FAM151B: variants seen among roughly 807,000 people sequenced by gnomAD.
FAM151B encodes the protein protein FAM151B.
Under a neutral mutation model 31.2 loss-of-function variants are expected in FAM151B, and 24 were observed. The ratio of observed to expected loss-of-function variants is 0.77; its 90% CI spans 0.56 to 1.08. The LOEUF (loss-of-function observed/expected upper bound fraction) is 1.08, where lower values mean the gene tolerates loss of function less well. Among genes scored for constraint, FAM151B ranks in the 50% least tolerant of loss-of-function variants. The pLI, the probability that FAM151B is intolerant of heterozygous loss-of-function variation, is 0.00. For synonymous variants in FAM151B, 105 were observed against 111.4 expected (o/e 0.94, Z 0.36); for missense variants, 293 against 328.6 (o/e 0.89, Z 0.84).
chr5:80,499,282 C>T (rs1278756013), intron 1 of FAM151B, among the ~76,000 whole-genome samples: 1 of 151,972 alleles, frequency 6.6e-6, no homozygotes, highest in African/African-American at 2.4e-5. Flanking sequence ...TTGGTTAACT[C>T]ACAAGTTTTA....
Position 80,528,246 on chromosome 5 carries a change from A to G in FAM151B, c.671+6108A>G. Among the ~76,000 whole-genome samples the G allele has an allele frequency of 1.3e-5, 2 of 152,158 alleles. 1 individual carries two copies. Among genetic ancestry groups the G allele is most frequent in the Non-Finnish European group, 2.9e-5 (2 of 68,032 alleles). On this transcript the variant is annotated intron_variant, in intron 5 of 5. Coordinates refer to ENST00000282226, the MANE Select transcript of FAM151B (RefSeq NM_205548.3). The stretch of plus-strand genomic sequence containing the variant: ...AAAGTAACAAGCAAGAAGCTAAATC[A>G]TATCACTAGAGAAAATCACCTTCAC...
intron 5 of FAM151B, among the ~76,000 whole-genome samples, chr5:80,529,360 T>C (rs1244477942): frequency 6.6e-6 from 1 of 152,032 alleles, no homozygotes; most frequent in Non-Finnish European, 1.5e-5. Context: ...ATTCAAAAGC[T>C]AGCAGAAGGC....
intron 2 of FAM151B, among the ~76,000 whole-genome samples, chr5:80,507,155 T>A (rs1396487727): frequency 6.8e-6 from 1 of 146,040 alleles, no homozygotes; most frequent in Non-Finnish European, 1.5e-5. Context: ...GACAAGGGAG[T>A]GAGCTCTTCT....
chr5:80,507,254 CTG>C (rs1744003963), intron 2 of FAM151B, among the ~76,000 whole-genome samples: 1 of 152,096 alleles, frequency 6.6e-6, no homozygotes, highest in East Asian at 1.9e-4. Flanking sequence ...TAGAGGGTGA[CTG>C]TGGCAGTTAG....
intron 1 of FAM151B, among the ~76,000 whole-genome samples, chr5:80,493,368 CAT>C (rs202107785): frequency 0.013 from 1,947 of 152,194 alleles, 36 homozygotes; most frequent in African/African-American, 0.041. Context: ...GATTGTAAAA[CAT>C]GTGTGTTTGA....
intron 5 of FAM151B, among the ~76,000 whole-genome samples, chr5:80,538,642 A>T (rs757273446): frequency 2.8e-5 from 4 of 142,208 alleles, no homozygotes; most frequent in African/African-American, 8.0e-5. Flanking sequence ...TGTTGCCCAG[A>T]CTGGAGTGCA....
At chr5:80,513,477 T>C (rs1744276407) in intron 2 of FAM151B, 127 bp from the exon 3 acceptor site, 1 of 834,608 alleles carries the variant, frequency 1.2e-6, no homozygotes, top group African/African-American at 1.7e-5. Flanking sequence ...CATGGGATAA[T>C]CGCTCACTGA....
intron 5 of FAM151B, among the ~76,000 whole-genome samples, chr5:80,527,126 A>G (rs1439596162): frequency 1.3e-5 from 2 of 152,070 alleles, no homozygotes; most frequent in African/African-American, 4.8e-5. Context: ...CTTCTGAGAA[A>G]TTTTTCATTA....
chr5:80,515,264 T>TA (rs1744382820), intron 3 of FAM151B, among the ~76,000 whole-genome samples: 5 of 122,294 alleles, frequency 4.1e-5, no homozygotes, highest in East Asian at 2.4e-4. Flanking sequence ...AATAAATAAA[T>TA]AATAAAAAAT....
chr5:80,534,006 A>G (rs1008842218), intron 5 of FAM151B, among the ~76,000 whole-genome samples: 1 of 152,134 alleles, frequency 6.6e-6, no homozygotes, highest in African/African-American at 2.4e-5. Context: ...TGGAAAATCT[A>G]GAAGAAATGG....
intron 2 of FAM151B, among the ~76,000 whole-genome samples, chr5:80,502,715 C>T (rs1743792656): frequency 6.6e-6 from 1 of 152,144 alleles, no homozygotes; most frequent in African/African-American, 2.4e-5. Flanking sequence ...CAAGAAATTA[C>T]CTTGAAATTC....
At position 80,501,809 on chromosome 5, in the gene FAM151B, A is replaced by G. The variant is rs781135092; in HGVS notation, c.43A>G (p.Ile15Val). 1.2e-6 allele frequency: 2 copies of G among 1,603,890 alleles called. No homozygotes were observed. Among genetic ancestry groups the G allele is most frequent in the African/African-American group, 1.3e-5 (1 of 74,698 alleles). ...TATTTTAGGATCTTGGAGTGAAAAT[A>G]TACTGGAATATTTTCTGAGAAATAG... ...AGGPGSWSEN[I>V]LEYFLRNSQI... The change falls in exon 2 of 6, where the codon ATA becomes GTA. Residue 15 changes from isoleucine to valine, a missense_variant. By Grantham distance (29) the Ile-to-Val change is conservative. Transcript: ENST00000282226.
chr5:80,520,495 G>T (rs1580439821), intron 4 of FAM151B, among the ~76,000 whole-genome samples: 1 of 151,520 alleles, frequency 6.6e-6, no homozygotes, highest in Non-Finnish European at 1.5e-5. Flanking sequence ...AAATACAAAA[G>T]TTAGCCAGGC....
At chr5:80,523,393 C>T (rs1388687585) in intron 5 of FAM151B, among the ~76,000 whole-genome samples, 2 of 152,130 alleles carry the variant, frequency 1.3e-5, no homozygotes, top group African/African-American at 4.8e-5. Flanking sequence ...GACACTCATA[C>T]ATTTTTGGCT....
intron 5 of FAM151B, among the ~76,000 whole-genome samples, chr5:80,532,108 CTA>C (rs1745268479): frequency 1.3e-5 from 2 of 151,570 alleles, no homozygotes; most frequent in African/African-American, 4.8e-5. Flanking sequence ...TCTCAGCAAA[CTA>C]TCACAGGGAC....
At chr5:80,503,449 G>T (rs180954578) in intron 2 of FAM151B, among the ~76,000 whole-genome samples, 279 of 152,132 alleles carry the variant, frequency 1.8e-3, no homozygotes, top group Middle Eastern at 6.8e-3. Context: ...TGTACCTGTA[G>T]TCACAGCTAC....
chr5:80,533,478 C>T (rs531534971), intron 5 of FAM151B, among the ~76,000 whole-genome samples: 2 of 151,970 alleles, frequency 1.3e-5, no homozygotes, highest in South Asian at 2.1e-4. Flanking sequence ...GCCGAGCGAG[C>T]ACAGTGTCTC....
chr5:80,528,966 A>T (rs912722318), intron 5 of FAM151B, among the ~76,000 whole-genome samples: 12 of 152,168 alleles, frequency 7.9e-5, no homozygotes, highest in East Asian at 1.9e-4. Flanking sequence ...ATTTATTCCA[A>T]AATTGACCAC....
chr5:80,492,297 A>T (rs187932158), intron 1 of FAM151B, among the ~76,000 whole-genome samples: 1 of 151,808 alleles, frequency 6.6e-6, no homozygotes, highest in Non-Finnish European at 1.5e-5. Context: ...TTCTTGCAAT[A>T]TTTCAAATTT....
Sources: allele counts gnomAD v4.1 joint callset (sites outside exome capture counted in the v4.1 genomes callset), GRCh38; gene constraint gnomAD v4.1.1; transcripts MANE v1.5; gene names NCBI Gene and HGNC (gene_info 2026-07-23, HGNC 2026-07-21).